TOPAZ1: variants seen among roughly 807,000 people sequenced by gnomAD.
TOPAZ1 encodes the protein protein TOPAZ1.
TOPAZ1 carries 66 observed loss-of-function variants against 172.2 expected under a neutral mutation model. That is an observed-to-expected ratio of 0.38 (90% CI 0.31 to 0.47). The LOEUF is 0.47. TOPAZ1 is among the 20% of genes least tolerant of loss of function. The pLI is 0.99. For synonymous variants in TOPAZ1, 681 were observed against 683.9 expected (o/e 1.00, Z 0.07); for missense variants, 1,822 against 1,972.4 (o/e 0.92, Z 1.44).
intron 4 of TOPAZ1, 84 bp from the exon 5 acceptor site, chr3:44,262,335 T>G (rs890677305): frequency 1.0e-5 from 6 of 579,440 alleles, no homozygotes; most frequent in Non-Finnish European, 1.4e-5. Flanking sequence ...TCTAATACAT[T>G]ATAATAAATC....
chr3:44,251,663 C>T (rs1312558561), intron 2 of TOPAZ1, among the ~76,000 whole-genome samples: 1 of 152,152 alleles, frequency 6.6e-6, no homozygotes, highest in African/African-American at 2.4e-5. Flanking sequence ...GGTTGGGACC[C>T]ACTAAATAGA....
At chr3:44,328,817 A>G (rs1049631658) in intron 19 of TOPAZ1, among the ~76,000 whole-genome samples, 5 of 152,214 alleles carry the variant, frequency 3.3e-5, no homozygotes, top group Non-Finnish European at 5.9e-5. Context: ...GAAATACGTG[A>G]TCAGCCAAGA....
rs539929185 is a variant in TOPAZ1, at chr3:44,241,937, G to C, written c.-117G>C. ...CTTCCGGCCCCGGGCTGTGGTGACT[G>C]GCGGTGTGGGGTGGGTCAGAGGGCA... On this transcript the variant is annotated 5_prime_UTR_variant, in exon 1 of 20. Transcript: ENST00000309765. 108 of 952,880 alleles carry C rather than the reference G, an allele frequency of 1.1e-4. No individual in the cohort carries two copies. The Admixed American group carries it at 2.8e-3, about 25-fold the overall frequency. 59.0% of individuals were successfully genotyped at this position (952,880 alleles called of 1,614,324 possible). A position where few individuals can be genotyped will look rare whatever the true frequency, so the allele number is the denominator to read the frequency against.
intron 2 of TOPAZ1, among the ~76,000 whole-genome samples, chr3:44,246,622 A>G (rs1004915560): frequency 6.6e-6 from 1 of 152,136 alleles, no homozygotes; most frequent in Non-Finnish European, 1.5e-5. Flanking sequence ...ATGAAGACAA[A>G]TTTGTCACTT....
At chr3:44,316,872 G>T (rs1435577402) in intron 16 of TOPAZ1, among the ~76,000 whole-genome samples, 1 of 152,064 alleles carries the variant, frequency 6.6e-6, no homozygotes, top group Non-Finnish European at 1.5e-5. Context: ...TCTTGAATCT[G>T]TTGGGTCTGT....
At chr3:44,260,698 G>A (rs1699765703) in intron 4 of TOPAZ1, among the ~76,000 whole-genome samples, 1 of 151,982 alleles carries the variant, frequency 6.6e-6, no homozygotes, top group Admixed American at 6.6e-5. Flanking sequence ...TGCCTTTGGT[G>A]TCACGCTTAG....
At chr3:44,320,458 T>C (rs1423447844) in intron 16 of TOPAZ1, among the ~76,000 whole-genome samples, 2 of 151,980 alleles carry the variant, frequency 1.3e-5, no homozygotes, top group South Asian at 2.1e-4. Context: ...TTTAGCCAGG[T>C]GTGGTGGCAC....
downstream of TOPAZ1, among the ~76,000 whole-genome samples, chr3:44,336,320 T>G (rs1290588379): frequency 6.6e-6 from 1 of 152,224 alleles, no homozygotes; most frequent in Non-Finnish European, 1.5e-5. Flanking sequence ...TACAAGGGAA[T>G]GGCTGTGTGA....
intron 5 of TOPAZ1, among the ~76,000 whole-genome samples, chr3:44,266,525 GGTCAT>G (rs1230224116): frequency 3.3e-5 from 5 of 152,090 alleles, no homozygotes; most frequent in Non-Finnish European, 7.4e-5. Flanking sequence ...GACATAGTAG[GGTCAT>G]AAACTGGTCT....
intron 12 of TOPAZ1, among the ~76,000 whole-genome samples, chr3:44,298,622 T>G (rs11706545): frequency 0.16 from 23,607 of 151,470 alleles, 2,427 homozygotes; most frequent in African/African-American, 0.29. Context: ...TACTAATATG[T>G]TCAATTGATT....
intron 12 of TOPAZ1, among the ~76,000 whole-genome samples, chr3:44,302,571 T>C (rs1700284746): frequency 6.6e-6 from 1 of 152,196 alleles, no homozygotes; most frequent in Non-Finnish European, 1.5e-5. Flanking sequence ...AACCACACTA[T>C]AGTAACTGTA....
chr3:44,267,045 AG>A lies in TOPAZ1; in HGVS notation c.3070del (p.Val1024TyrfsTer10). 1 of 1,549,352 alleles carries A rather than the reference AG, an allele frequency of 6.5e-7. No individual in the cohort carries two copies. Among genetic ancestry groups the A allele is most frequent in the Non-Finnish European group, 8.7e-7 (1 of 1,146,110 alleles). Reference protein sequence around the residue: ...DFMVGECQFAVPVPKPLCLLV... With the variant: ...DFMVGECQFAXPVPKPLCLLV... ...TTATGGTCGGCGAATGTCAATTTGC[AG>A]TACCAGTCCCGAAACCTCTGTGTTT... On this transcript the variant is annotated frameshift_variant, in exon 6 of 20. Transcript: ENST00000309765. LOFTEE classifies it high-confidence loss of function.
In TOPAZ1 at chr3:44,244,861, C is replaced by T. The variant is rs796218259; in HGVS notation, c.2355C>T (p.His785=). 6 of 1,551,574 alleles carry T rather than the reference C, an allele frequency of 3.9e-6. No individual in the cohort carries two copies. Among genetic ancestry groups the T allele is most frequent in the East Asian group, 2.4e-5 (1 of 40,916 alleles). ...KQGNNSKPSN[H]VSEPGNIVSN... is the part of the protein sequence containing the mutation. ...GTAACAATAGCAAACCATCTAATCA[C>T]GTCTCTGAACCAGGCAATATTGTTT... The change falls in exon 2 of 20, where the codon CAC becomes CAT. Residue 785 remains histidine, a synonymous_variant. Coordinates refer to ENST00000309765, the MANE Select transcript of TOPAZ1 (RefSeq NM_001145030.2).
Position 44,306,442 on chromosome 3 carries a change from T to G in TOPAZ1, c.4140+16T>G, listed in dbSNP as rs1204270862. On this transcript the variant is annotated intron_variant, in intron 15 of 19. Coordinates refer to ENST00000309765, the MANE Select transcript of TOPAZ1 (RefSeq NM_001145030.2). ...GTGGTCCAAGGTACTTCATTAAGTT[T>G]TTGTCTTGGCTTGGTATAGAGACTA... is the stretch of plus-strand genomic sequence containing the variant. 1.3e-6 allele frequency: 2 copies of G among 1,483,670 alleles called. No homozygotes were observed. 91.9% of individuals were successfully genotyped at this position (1,483,670 alleles called of 1,614,324 possible). A position where few individuals can be genotyped will look rare whatever the true frequency, so the allele number is the denominator to read the frequency against.
chr3:44,314,464 G>A lies in TOPAZ1; in HGVS notation c.4306+4474G>A, dbSNP rs147459518. Among the ~76,000 whole-genome samples the A allele has an allele frequency of 2.6e-3, 392 of 152,168 alleles. 2 individuals are homozygous for A. The highest frequency in any genetic ancestry group is 3.9e-3 in the Non-Finnish European group (264 of 68,014). The stretch of plus-strand genomic sequence containing the variant: ...GGTAATAGTATCCCAATATGAGGAC[G>A]CTGAGGTTCAGAGAAGATCACACAA... On this transcript the variant is annotated intron_variant, in intron 16 of 19. Coordinates refer to ENST00000309765, the MANE Select transcript of TOPAZ1 (RefSeq NM_001145030.2).
At chr3:44,309,028 A>ACTCTTT (rs1235725539) in intron 15 of TOPAZ1, among the ~76,000 whole-genome samples, 1 of 152,224 alleles carries the variant, frequency 6.6e-6, no homozygotes, top group Non-Finnish European at 1.5e-5. Context: ...CACATTTTTA[A>ACTCTTT]AGAGTTATAA....
chr3:44,269,675 C>A (rs1699874377), intron 7 of TOPAZ1, among the ~76,000 whole-genome samples: 1 of 151,486 alleles, frequency 6.6e-6, no homozygotes, highest in Non-Finnish European at 1.5e-5. Flanking sequence ...GGCTGGAGTA[C>A]AATGGCATGA....
Position 44,287,586 on chromosome 3 carries a change from T to A in TOPAZ1, c.3588+46T>A, listed in dbSNP as rs952629992. The A allele has an allele frequency of 1.2e-5, 15 of 1,288,884 alleles. No individual in the cohort carries two copies. The Admixed American group carries it at 1.7e-4, about 14-fold the overall frequency. 79.8% of individuals were successfully genotyped at this position (1,288,884 alleles called of 1,614,324 possible). A position where few individuals can be genotyped will look rare whatever the true frequency, so the allele number is the denominator to read the frequency against. ...TGTTATTTTAATATTTTATGTTAAT[T>A]TCTCTGTCATATTCATTGTTTGAAC... is the stretch of plus-strand genomic sequence containing the variant. On this transcript the variant is annotated intron_variant, in intron 10 of 19. Coordinates refer to ENST00000309765, the MANE Select transcript of TOPAZ1 (RefSeq NM_001145030.2).
chr3:44,255,791 T>C (rs1575707296), intron 3 of TOPAZ1, among the ~76,000 whole-genome samples: 2 of 150,972 alleles, frequency 1.3e-5, no homozygotes, highest in Admixed American at 1.3e-4. Flanking sequence ...CATAACTTAG[T>C]ATGAAAGTTA....
Sources: allele counts gnomAD v4.1 joint callset (sites outside exome capture counted in the v4.1 genomes callset), GRCh38; gene constraint gnomAD v4.1.1; transcripts MANE v1.5; gene names NCBI Gene and HGNC (gene_info 2026-07-23, HGNC 2026-07-21).